Variants in ABCG1 observed in about 807,000 individuals in gnomAD.
ABCG1 encodes ATP binding cassette subfamily G member 1.
A neutral mutation model predicts 69.2 loss-of-function variants in ABCG1; 29 were observed. The observed-to-expected ratio is 0.42, with a 90% CI of 0.31 to 0.57. The LOEUF is 0.57. ABCG1 is among the 20% of genes least tolerant of loss of function. ABCG1 has a pLI of 0.15. For synonymous variants in ABCG1, 370 were observed against 374.8 expected (o/e 0.99, Z 0.15); for missense variants, 718 against 898.1 (o/e 0.80, Z 2.56).
chr21:42,259,884 G>A (rs950596923), intron 2 of ABCG1: 29 of 1,446,572 alleles, frequency 2.0e-5, no homozygotes, highest in Non-Finnish European at 2.1e-5. Flanking sequence ...AAGGAGCACA[G>A]CGGGAGAAAG....
rs758096166 is a variant in ABCG1, at chr21:42,276,939, G to A, written c.582G>A (p.Arg194=). The change falls in exon 5 of 15, where the codon AGG becomes AGA. Residue 194 remains arginine, a synonymous_variant. Coordinates refer to ENST00000398449, the MANE Select transcript of ABCG1 (RefSeq NM_016818.3). This position sits in a 1 kb window ranked among gnomAD's most constrained non-coding sequence, Gnocchi z 5.3. ...LKLQEKDEGR[R]EMVKEILTAL... is the part of the protein sequence containing the mutation. ...TTCAGGAGAAGGATGAAGGCAGAAGGGAAATGGTAAGTGGGTTGTTTGGTG... is the reference window on the plus strand; with the variant it reads ...TTCAGGAGAAGGATGAAGGCAGAAGAGAAATGGTAAGTGGGTTGTTTGGTG... 2 of 1,614,106 alleles carry A rather than the reference G, an allele frequency of 1.2e-6. No homozygotes were observed. Among genetic ancestry groups the A allele is most frequent in the African/African-American group, 2.7e-5 (2 of 74,944 alleles).
At position 42,219,385 on chromosome 21, in the gene ABCG1, G is replaced by C. The variant is rs915505397; in HGVS notation, c.42+81G>C. On this transcript the variant is annotated intron_variant, in intron 1 of 14. Transcript: ENST00000398449. The surrounding 1 kb of genome is among the most constrained non-coding windows in gnomAD (Gnocchi z 5.3). ...GAAACACACAAAGACTCGCAAGCTC[G>C]ACCTGACACCCCTCCCAGGAGCGCG... 11 of 1,537,748 alleles carry C rather than the reference G, an allele frequency of 7.2e-6. No homozygotes were observed. The highest frequency in any genetic ancestry group is 3.8e-5 in the Admixed American group (2 of 52,316).
At position 42,229,551 on chromosome 21, in the gene ABCG1, C is replaced by G. The variant is rs201235177; in HGVS notation, c.286+3637C>G. 9.2e-5 allele frequency among the ~76,000 whole-genome samples: 14 copies of G among 152,068 alleles called. No individual in the cohort carries two copies. The East Asian group carries it at 2.5e-3, about 27-fold the overall frequency. ...TGGCCAACATAGTGAAACCCTGTCTCTAGTAGAAATACAAAAAAAATAGCC... is the reference window on the plus strand; with the variant it reads ...TGGCCAACATAGTGAAACCCTGTCTGTAGTAGAAATACAAAAAAAATAGCC... On this transcript the variant is annotated intron_variant, in intron 2 of 14. Transcript: ENST00000398449.
At chr21:42,258,679 C>T (rs1285126204) in intron 2 of ABCG1, among the ~76,000 whole-genome samples, 1 of 152,178 alleles carries the variant, frequency 6.6e-6, no homozygotes, top group Non-Finnish European at 1.5e-5. Context: ...TCCTCTAGAG[C>T]ATTCTACTAG....
Position 42,222,312 on chromosome 21 carries a change from C to A in ABCG1, c.42+3008C>A, listed in dbSNP as rs1388256516. On this transcript the variant is annotated intron_variant, in intron 1 of 14. Coordinates refer to ENST00000398449, the MANE Select transcript of ABCG1 (RefSeq NM_016818.3). The stretch of plus-strand genomic sequence containing the variant: ...TTCAGACTGACAGGCCACTGCCTCG[C>A]ATCACGCAGTTTTCACGATCCTATT... 3.3e-5 allele frequency among the ~76,000 whole-genome samples: 5 copies of A among 152,356 alleles called. No homozygotes were observed. The East Asian group carries it at 7.7e-4, about 23-fold the overall frequency.
intron 13 of ABCG1, among the ~76,000 whole-genome samples, chr21:42,293,119 ACACACAC>A (rs928736826): frequency 9.2e-6 from 1 of 108,992 alleles, no homozygotes; most frequent in African/African-American, 3.6e-5. Context: ...ACCACACACT[ACACACAC>A]CACACACTAC....
At chr21:42,290,874 G>A (rs1284703803) in intron 11 of ABCG1, among the ~76,000 whole-genome samples, 1 of 152,152 alleles carries the variant, frequency 6.6e-6, no homozygotes, top group African/African-American at 2.4e-5. Flanking sequence ...TCACAGACAT[G>A]CTCCCCATCC....
intron 7 of ABCG1, among the ~76,000 whole-genome samples, chr21:42,285,055 C>T (rs1478335796): frequency 6.6e-6 from 1 of 152,126 alleles, no homozygotes; most frequent in African/African-American, 2.4e-5. Context: ...AGTCCTCTCT[C>T]TGTCCTGGTG....
Position 42,271,059 on chromosome 21 carries a change from C to CT in ABCG1, c.287-5dup, listed in dbSNP as rs759680276. Reference sequence around the variant, plus strand: ...ATGAAATGAATATGAATATGATCTGCTTTTTTGCAGGATACAAGACCCTCC... The same window carrying CT: ...ATGAAATGAATATGAATATGATCTGCTTTTTTTGCAGGATACAAGACCCTCC... On this transcript the variant is annotated splice_polypyrimidine_tract_variant and intron_variant, in intron 2 of 14. Coordinates refer to ENST00000398449, the MANE Select transcript of ABCG1 (RefSeq NM_016818.3). 6.8e-7 allele frequency: 1 copy of CT among 1,470,416 alleles called. No individual in the cohort carries two copies. Among genetic ancestry groups the CT allele is most frequent in the Non-Finnish European group, 9.1e-7 (1 of 1,104,414 alleles). 91.1% of individuals were successfully genotyped at this position (1,470,416 alleles called of 1,614,324 possible).
Position 42,296,768 on chromosome 21 carries a change from G to C in ABCG1, c.*376G>C. 1 of 269,266 alleles carries C rather than the reference G, an allele frequency of 3.7e-6. No homozygotes were observed. Among genetic ancestry groups the C allele is most frequent in the Non-Finnish European group, 7.2e-6 (1 of 138,420 alleles). 16.7% of individuals were successfully genotyped at this position (269,266 alleles called of 1,614,324 possible). On this transcript the variant is annotated 3_prime_UTR_variant, in exon 15 of 15. Transcript: ENST00000398449. This position sits in a 1 kb window ranked among gnomAD's most constrained non-coding sequence, Gnocchi z 5.4. ...GTGGGTCCTGGATGGGGAACTGCAA[G>C]CAGCCTCTCAGCTGATGGCTGCACA... is the stretch of plus-strand genomic sequence containing the variant.
At chr21:42,221,060 C>T (rs2067718250) in intron 1 of ABCG1, 1 of 152,122 alleles carries the variant, frequency 6.6e-6, no homozygotes. Context: ...CTTGTTATCA[C>T]GTGGAGACAG....
chr21:42,201,654 T>C (rs189496721), exon 2 of ABCG1: 335 of 1,605,590 alleles, frequency 2.1e-4, no homozygotes, highest in East Asian at 2.9e-4. Flanking sequence ...GATCACCGAC[T>C]CTGTGCCAGG....
At chr21:42,293,171 T>TAC (rs1412554442) in intron 13 of ABCG1, among the ~76,000 whole-genome samples, 1 of 96,478 alleles carries the variant, frequency 1.0e-5, no homozygotes, top group Non-Finnish European at 2.1e-5. Context: ...CACCACACAC[T>TAC]ACACACACAC....
chr21:42,219,778 AG>A lies in ABCG1; in HGVS notation c.42+476del, dbSNP rs2067691574. 1 of 1,396,404 alleles carries A rather than the reference AG, an allele frequency of 7.2e-7. No homozygotes were observed. Among genetic ancestry groups the A allele is most frequent in the East Asian group, 2.7e-5 (1 of 36,656 alleles). 86.5% of individuals were successfully genotyped at this position (1,396,404 alleles called of 1,614,324 possible). A position where few individuals can be genotyped will look rare whatever the true frequency, so the allele number is the denominator to read the frequency against. On this transcript the variant is annotated intron_variant, in intron 1 of 14. Coordinates refer to ENST00000398449, the MANE Select transcript of ABCG1 (RefSeq NM_016818.3). This position sits in a 1 kb window ranked among gnomAD's most constrained non-coding sequence, Gnocchi z 5.3. ...GCGCCATCCCCAGGAACGCCAGGCAAGGTCTGGGGGAACAAAAGAGGAAGCT... is the reference window on the plus strand; with the variant it reads ...GCGCCATCCCCAGGAACGCCAGGCAAGTCTGGGGGAACAAAAGAGGAAGCT...
chr21:42,288,332 C>A lies in ABCG1; in HGVS notation c.1224+20C>A. The A allele has an allele frequency of 6.4e-7, 1 of 1,572,712 alleles. No individual in the cohort carries two copies. Among genetic ancestry groups the A allele is most frequent in the Non-Finnish European group, 8.7e-7 (1 of 1,143,118 alleles). ...GACTCGGTAAGGCTGCCCGCATCTT[C>A]TCCTGTAGCTGGGGAACCCGTGGGT... On this transcript the variant is annotated intron_variant, in intron 10 of 14. Transcript: ENST00000398449. This position sits in a 1 kb window ranked among gnomAD's most constrained non-coding sequence, Gnocchi z 4.8.
intron 2 of ABCG1, among the ~76,000 whole-genome samples, chr21:42,257,814 A>T (rs1222460722): frequency 6.6e-6 from 1 of 152,178 alleles, no homozygotes; most frequent in Non-Finnish European, 1.5e-5. Flanking sequence ...GTTCTTCAGG[A>T]ACAGACTGAG....
In ABCG1 at chr21:42,273,297, C is replaced by T. The variant is rs1413340342; in HGVS notation, c.405-6C>T. 4 of 1,611,198 alleles carry T rather than the reference C, an allele frequency of 2.5e-6. No individual in the cohort carries two copies. On this transcript the variant is annotated splice_region_variant and splice_polypyrimidine_tract_variant and intron_variant, in intron 3 of 14. Coordinates refer to ENST00000398449, the MANE Select transcript of ABCG1 (RefSeq NM_016818.3). This position sits in a 1 kb window ranked among gnomAD's most constrained non-coding sequence, Gnocchi z 5.3. The stretch of plus-strand genomic sequence containing the variant: ...CTGACGGCTTCTCCTGTCCTTGGTT[C>T]TGCAGGGAGACGGGCATGAAGGGGG...
At chr21:42,230,639 G>T (rs2067886842) in intron 2 of ABCG1, among the ~76,000 whole-genome samples, 1 of 152,228 alleles carries the variant, frequency 6.6e-6, no homozygotes, top group Admixed American at 6.5e-5. Context: ...AGATTTTATC[G>T]TAAGCTGCTT....
upstream of ABCG1, among the ~76,000 whole-genome samples, chr21:42,211,762 G>A (rs540340217): frequency 1.3e-5 from 2 of 151,950 alleles, no homozygotes; most frequent in East Asian, 1.9e-4. Context: ...GGTGGCATGC[G>A]CTGGTAATTC....
Sources: allele counts gnomAD v4.1 joint callset (sites outside exome capture counted in the v4.1 genomes callset), GRCh38; gene constraint gnomAD v4.1.1; non-coding constraint Gnocchi (gnomAD v3.1); transcripts MANE v1.5; gene names NCBI Gene and HGNC (gene_info 2026-07-23, HGNC 2026-07-21).